GALNT13: variants seen among roughly 807,000 people sequenced by gnomAD.
GALNT13 encodes UDP-GalNAc:polypeptide N-acetylgalactosaminyltransferase 13.
In GALNT13, 28 loss-of-function variants were observed where a neutral mutation model predicts 64.2. That is an observed-to-expected ratio of 0.44 (90% CI 0.32 to 0.60). The LOEUF is 0.60. Ranked by LOEUF, GALNT13 falls within the 20% of genes least tolerant of loss-of-function variation. The pLI, the probability that GALNT13 is intolerant of heterozygous loss-of-function variation, is 0.05. For missense variants in GALNT13, 577 were observed against 669.8 expected, an observed-to-expected ratio of 0.86 and a Z score of 1.53; for synonymous variants, 214 against 224.6, an observed-to-expected ratio of 0.95 and a Z score of 0.42.
intron 3 of GALNT13, among the ~76,000 whole-genome samples, chr2:153,963,488 G>C (rs533847147): frequency 1.3e-5 from 2 of 152,270 alleles, no homozygotes; most frequent in South Asian, 4.1e-4. Context: ...AATTTTGTGA[G>C]ATACTGCCAG....
chr2:153,318,277 C>T, the GALNT13 span, among the ~76,000 whole-genome samples: 1 of 152,104 alleles, frequency 6.6e-6, no homozygotes, highest in African/African-American at 2.4e-5. Context: ...TGGCGTGGAG[C>T]CCTGCTCACA....
the GALNT13 span, among the ~76,000 whole-genome samples, chr2:153,842,574 G>A: frequency 6.6e-6 from 1 of 152,046 alleles, no homozygotes; most frequent in African/African-American, 2.4e-5. Flanking sequence ...CACACTGCCT[G>A]CTAAAGAGTA....
At chr2:154,430,729 G>T (rs1700671893) in intron 11 of GALNT13, among the ~76,000 whole-genome samples, 1 of 152,086 alleles carries the variant, frequency 6.6e-6, no homozygotes, top group African/African-American at 2.4e-5. Flanking sequence ...AGGAAAAGTT[G>T]ATTGATGTGA....
chr2:153,079,081 G>A, the GALNT13 span, among the ~76,000 whole-genome samples: 2 of 152,124 alleles, frequency 1.3e-5, no homozygotes, highest in African/African-American at 2.4e-5. Context: ...TAGATTAGGA[G>A]ACGACTGCCA....
intron 3 of GALNT13, among the ~76,000 whole-genome samples, chr2:154,058,271 TCTC>T (rs144572279): frequency 0.05 from 7,583 of 152,174 alleles, 370 homozygotes; most frequent in African/African-American, 0.12. Flanking sequence ...GCCATTCTGA[TCTC>T]CTCCAGACTC....
the GALNT13 span, among the ~76,000 whole-genome samples, chr2:153,735,350 T>C: frequency 6.6e-6 from 1 of 152,142 alleles, no homozygotes; most frequent in Non-Finnish European, 1.5e-5. Context: ...GGCATTAAGT[T>C]GTCACTACAT....
intron 4 of GALNT13, among the ~76,000 whole-genome samples, chr2:154,207,816 A>G (rs1223601838): frequency 6.6e-6 from 1 of 152,174 alleles, no homozygotes; most frequent in East Asian, 1.9e-4. Context: ...GTTAGCTTAC[A>G]TGCTAACTGT....
the GALNT13 span, among the ~76,000 whole-genome samples, chr2:153,621,722 C>A: frequency 6.6e-6 from 1 of 152,208 alleles, no homozygotes; most frequent in East Asian, 1.9e-4. Flanking sequence ...CACCCAGTAC[C>A]CACCACCACC....
chr2:153,823,374 T>C, the GALNT13 span, among the ~76,000 whole-genome samples: 1 of 152,304 alleles, frequency 6.6e-6, no homozygotes, highest in African/African-American at 2.4e-5. Context: ...CTTCAAGCTA[T>C]GCTACAAGGC....
At chr2:154,031,810 T>C (rs1698356470) in intron 3 of GALNT13, among the ~76,000 whole-genome samples, 1 of 151,942 alleles carries the variant, frequency 6.6e-6, no homozygotes, top group Non-Finnish European at 1.5e-5. Context: ...TCCATAATTA[T>C]ATTGGAAGGC....
intron 3 of GALNT13, among the ~76,000 whole-genome samples, chr2:154,035,916 C>T (rs1698634349): frequency 6.6e-6 from 1 of 151,842 alleles, no homozygotes; most frequent in South Asian, 2.1e-4. Flanking sequence ...ATTTCCATGT[C>T]TAATATTGTA....
rs1480635701 is a variant in GALNT13 at position 154,328,505 on chromosome 2, A to G, written c.1156+26916A>G. On this transcript the variant is annotated intron_variant, in intron 9 of 12. Coordinates refer to ENST00000392825, the MANE Select transcript of GALNT13 (RefSeq NM_052917.4). ...GATGCTGCTGTGATCATTATTTTTC[A>G]TGTTTTCTGGTGCATAGCTACCAGA... Among the ~76,000 whole-genome samples, 4 of 152,138 alleles carry G rather than the reference A, an allele frequency of 2.6e-5. No homozygotes were observed. In the South Asian group the frequency reaches 8.3e-4, roughly 32 times the overall value.
intron 3 of GALNT13, among the ~76,000 whole-genome samples, chr2:153,985,576 C>T (rs1694746931): frequency 6.6e-6 from 1 of 151,936 alleles, no homozygotes; most frequent in Non-Finnish European, 1.5e-5. Flanking sequence ...ATAGTTACCT[C>T]ATTCTGAAAG....
At chr2:153,892,048 A>C (rs1316645448) in intron 1 of GALNT13, among the ~76,000 whole-genome samples, 1 of 151,978 alleles carries the variant, frequency 6.6e-6, no homozygotes, top group African/African-American at 2.4e-5. Context: ...CCAAGGCAAA[A>C]TTATTCTATT....
chr2:153,614,273 C>G, the GALNT13 span, among the ~76,000 whole-genome samples: 3 of 151,652 alleles, frequency 2.0e-5, no homozygotes, highest in African/African-American at 7.3e-5. Flanking sequence ...CAATACTTAC[C>G]TTATAGTATT....
At chr2:154,013,288 C>T (rs1469270762) in intron 3 of GALNT13, among the ~76,000 whole-genome samples, 1 of 137,492 alleles carries the variant, frequency 7.3e-6, no homozygotes, top group Non-Finnish European at 1.6e-5. Context: ...AGTCTTCTGG[C>T]TTTGATTATG....
the GALNT13 span, among the ~76,000 whole-genome samples, chr2:153,444,679 TAAATGA>T: frequency 6.6e-6 from 1 of 152,258 alleles, no homozygotes; most frequent in African/African-American, 2.4e-5. Flanking sequence ...GCATATCATA[TAAATGA>T]AATCATTCAA....
chr2:153,609,329 G>A, the GALNT13 span, among the ~76,000 whole-genome samples: 4 of 152,234 alleles, frequency 2.6e-5, no homozygotes, highest in Middle Eastern at 3.4e-3. Flanking sequence ...ATCTAAGTGT[G>A]TTGAGCTCTA....
the GALNT13 span, among the ~76,000 whole-genome samples, chr2:153,774,166 A>G: frequency 4.6e-5 from 7 of 152,150 alleles, no homozygotes; most frequent in African/African-American, 1.7e-4. Flanking sequence ...AATCATGTAT[A>G]TAAAGAATTT....
Sources: gnomAD v4.1 joint callset for allele counts (sites outside exome capture counted in the v4.1 genomes callset) on GRCh38, gnomAD v4.1.1 for gene constraint, MANE v1.5 for transcripts, NCBI Gene and HGNC (gene_info 2026-07-23, HGNC 2026-07-21) for gene names.